The following ATR variants were observed in gnomAD, a reference collection of about 807,000 sequenced individuals.
ATR encodes serine/threonine-protein kinase ATR.
Under a neutral mutation model 305.3 loss-of-function variants are expected in ATR, and 142 were observed. The ratio of observed to expected loss-of-function variants is 0.47; its 90% CI spans 0.41 to 0.53. The LOEUF is 0.53. ATR is among the 20% of genes least tolerant of loss of function. ATR has a pLI of 0.00. For missense variants in ATR, 2,135 were observed against 3,133.1 expected, an observed-to-expected ratio of 0.68 and a Z score of 7.60; for synonymous variants, 1,050 against 1,068.1, an observed-to-expected ratio of 0.98 and a Z score of 0.33.
chr3:142,502,191 A>G (rs1451267616), intron 30 of ATR, among the ~76,000 whole-genome samples: 2 of 152,220 alleles, frequency 1.3e-5, no homozygotes, highest in Non-Finnish European at 2.9e-5. Flanking sequence ...CTGAAAATAG[A>G]ACACACAGCA....
intron 41 of ATR, among the ~76,000 whole-genome samples, chr3:142,463,709 T>C (rs1008760024): frequency 2.0e-5 from 3 of 152,198 alleles, no homozygotes; most frequent in Non-Finnish European, 2.9e-5. Context: ...AAATAAAAAA[T>C]AATCCTCCTT....
At chr3:142,551,735 A>G (rs2034476864) in intron 13 of ATR, among the ~76,000 whole-genome samples, 2 of 152,226 alleles carry the variant, frequency 1.3e-5, no homozygotes, top group Non-Finnish European at 1.5e-5. Context: ...AAGAAAATCT[A>G]GGCAATACCT....
intron 39 of ATR, 130 bp downstream of exon 39, chr3:142,467,804 A>G: frequency 9.6e-7 from 1 of 1,044,498 alleles, no homozygotes; most frequent in South Asian, 1.9e-5. Context: ...CATAATTAAA[A>G]TATACATTTT....
At chr3:142,555,580 A>G (rs146482656) in intron 10 of ATR, among the ~76,000 whole-genome samples, 2 of 152,326 alleles carry the variant, frequency 1.3e-5, no homozygotes, top group African/African-American at 4.8e-5. Flanking sequence ...CTCTGGTATC[A>G]CTAAAGAAGA....
intron 35 of ATR, among the ~76,000 whole-genome samples, chr3:142,490,854 TC>T (rs1437924161): frequency 2.0e-5 from 3 of 152,314 alleles, no homozygotes; most frequent in Admixed American, 2.0e-4. Context: ...TAGTTTATAA[TC>T]TTTTGAATTT....
intron 24 of ATR, among the ~76,000 whole-genome samples, chr3:142,516,133 T>C (rs1056660138): frequency 5.9e-5 from 9 of 152,194 alleles, no homozygotes; most frequent in African/African-American, 1.2e-4. Flanking sequence ...CCATTCTCTC[T>C]TGTTGAGATC....
chr3:142,499,425 G>T (rs990723002), intron 31 of ATR, among the ~76,000 whole-genome samples: 11 of 151,860 alleles, frequency 7.2e-5, no homozygotes, highest in African/African-American at 2.7e-4. Context: ...CTCCCGAGTA[G>T]TTGGGACTAC....
At chr3:142,497,400 T>C (rs1207635163) in intron 32 of ATR, among the ~76,000 whole-genome samples, 1 of 152,046 alleles carries the variant, frequency 6.6e-6, no homozygotes, top group Non-Finnish European at 1.5e-5. Flanking sequence ...GTTTATACAT[T>C]TGGTGCTTTA....
At chr3:142,568,252 T>G in intron 1 of ATR, 98 bp from the exon 2 acceptor site, 1 of 852,420 alleles carries the variant, frequency 1.2e-6, no homozygotes, top group Non-Finnish European at 1.9e-6. Context: ...GTGTTCAGTG[T>G]CAATGTTGAT....
At chr3:142,507,877 A>G in intron 28 of ATR, 54 bp downstream of exon 28, 1 of 1,472,418 alleles carries the variant, frequency 6.8e-7, no homozygotes, top group Non-Finnish European at 9.4e-7. Flanking sequence ...ACATAAACAT[A>G]AAAGACTGGC....
chr3:142,557,163 TTC>T (rs772910717), intron 8 of ATR, among the ~76,000 whole-genome samples: 2 of 152,104 alleles, frequency 1.3e-5, no homozygotes, highest in African/African-American at 4.8e-5. Context: ...ATTTCTTTCT[TTC>T]TCTCTCTTTT....
chr3:142,536,043 G>T, intron 20 of ATR, 65 bp downstream of exon 20: 1 of 1,106,074 alleles, frequency 9.0e-7, no homozygotes, highest in Non-Finnish European at 1.4e-6. Flanking sequence ...TTTATTTCAT[G>T]TATTGGAACT....
chr3:142,528,632 T>G (rs943569758), intron 21 of ATR, among the ~76,000 whole-genome samples: 1 of 151,856 alleles, frequency 6.6e-6, no homozygotes, highest in South Asian at 2.1e-4. Flanking sequence ...TCTTACTTTG[T>G]AAGCCAATTT....
chr3:142,540,287 C>T (rs777895558), intron 18 of ATR, among the ~76,000 whole-genome samples: 1 of 152,112 alleles, frequency 6.6e-6, no homozygotes. Flanking sequence ...CAACCAAATA[C>T]ACATATGTAA....
chr3:142,466,955 C>T (rs962036764), intron 39 of ATR, among the ~76,000 whole-genome samples: 1 of 152,138 alleles, frequency 6.6e-6, no homozygotes, highest in South Asian at 2.1e-4. Flanking sequence ...AACTGGAAAC[C>T]TGTACATGTA....
intron 21 of ATR, among the ~76,000 whole-genome samples, chr3:142,530,989 A>T (rs912226822): frequency 8.2e-4 from 125 of 152,104 alleles, no homozygotes; most frequent in African/African-American, 2.8e-3. Context: ...TTTTTTATAC[A>T]GTCTCATCAG....
intron 29 of ATR, among the ~76,000 whole-genome samples, chr3:142,504,730 C>T (rs1351646365): frequency 6.6e-6 from 1 of 152,206 alleles, no homozygotes; most frequent in Non-Finnish European, 1.5e-5. Flanking sequence ...TCCCAAAGTG[C>T]TGGGATTACA....
At chr3:142,477,560 T>G (rs190563343) in intron 36 of ATR, among the ~76,000 whole-genome samples, 289 of 152,296 alleles carry the variant, frequency 1.9e-3, no homozygotes, top group Non-Finnish European at 3.3e-3. Context: ...TCTCTTTTTT[T>G]GTTGTGTCTC....
chr3:142,561,115 T>A (rs1357030291), intron 5 of ATR, 128 bp downstream of exon 5: 1 of 999,866 alleles, frequency 1.0e-6, no homozygotes, highest in Non-Finnish European at 1.5e-6. Flanking sequence ...TTTTAAGCAC[T>A]CCCTTGGCTA....
Sources: gnomAD v4.1 joint callset for allele counts (sites outside exome capture counted in the v4.1 genomes callset) on GRCh38, gnomAD v4.1.1 for gene constraint, MANE v1.5 for transcripts, NCBI Gene and HGNC (gene_info 2026-07-23, HGNC 2026-07-21) for gene names.